Variants in SETD2 observed in about 807,000 individuals in gnomAD.
SETD2 encodes histone-lysine N-methyltransferase SETD2.
SETD2 carries 31 observed loss-of-function variants against 242.1 expected under a neutral mutation model. The ratio of observed to expected loss-of-function variants is 0.13; its 90% CI spans 0.10 to 0.17. The LOEUF (loss-of-function observed/expected upper bound fraction) is 0.17, where lower values mean the gene tolerates loss of function less well. SETD2 is among the 10% of genes least tolerant of loss of function. SETD2 has a pLI of 1.00. For missense variants in SETD2, 2,481 were observed against 3,046.3 expected (o/e 0.81, Z 4.37); for synonymous variants, 1,006 against 1,066.5 (o/e 0.94, Z 1.11).
At chr3:47,129,418 C>T (rs1222490721) in intron 1 of SETD2, among the ~76,000 whole-genome samples, 1 of 152,238 alleles carries the variant, frequency 6.6e-6, no homozygotes, top group African/African-American at 2.4e-5. Context: ...CTCGTTTGTG[C>T]ATGCACTTGA....
chr3:47,056,784 C>T (rs780865188), intron 15 of SETD2, 37 bp downstream of exon 15: 3 of 1,554,282 alleles, frequency 1.9e-6, no homozygotes, highest in Non-Finnish European at 2.7e-6. Flanking sequence ...CATGAACAGA[C>T]CATAAAGCAG....
In SETD2 at chr3:47,122,915, C is replaced by T. The variant is rs2043161325; in HGVS notation, c.1721G>A (p.Cys574Tyr). ...PKSDKFKNSFCCTELNEEIKQ... is the reference protein window; with the variant it reads ...PKSDKFKNSFYCTELNEEIKQ... Reference sequence around the variant, plus strand: ...GATTTCTTCATTTAATTCTGTACAACAGAAAGAATTTTTAAATTTATCAGA... The same window carrying T: ...GATTTCTTCATTTAATTCTGTACAATAGAAAGAATTTTTAAATTTATCAGA... The change falls in exon 3 of 21, where the codon TGT (cysteine) becomes TAT (tyrosine). Residue 574 changes from cysteine (C) to tyrosine (Y), a missense_variant. Cys to Tyr is a radical substitution (Grantham distance 194, BLOSUM62 -2). Transcript: ENST00000409792. The T allele has an allele frequency of 3.1e-6, 5 of 1,610,314 alleles. No individual in the cohort carries two copies. The East Asian group carries it at 1.1e-4, about 36-fold the overall frequency.
intron 18 of SETD2, among the ~76,000 whole-genome samples, chr3:47,027,938 C>A (rs1408236148): frequency 1.3e-5 from 2 of 151,114 alleles, no homozygotes; most frequent in Admixed American, 6.6e-5. Flanking sequence ...ACTACAGGCG[C>A]CCCCCCGCAC....
At chr3:47,098,297 G>A (rs924833934) in intron 8 of SETD2, 2 of 347,402 alleles carry the variant, frequency 5.8e-6, no homozygotes, top group African/African-American at 4.2e-5. Flanking sequence ...TTCTTTGGGA[G>A]ACAAAACTAG....
intron 5 of SETD2, among the ~76,000 whole-genome samples, chr3:47,107,403 G>T (rs2042469124): frequency 6.6e-6 from 1 of 151,944 alleles, no homozygotes; most frequent in Non-Finnish European, 1.5e-5. Flanking sequence ...AATGAGAAAA[G>T]AACACATATA....
At chr3:47,022,193 T>TCTCACACACACA (rs770101300) in intron 18 of SETD2, among the ~76,000 whole-genome samples, 2 of 130,948 alleles carry the variant, frequency 1.5e-5, no homozygotes, top group Non-Finnish European at 3.2e-5. Flanking sequence ...CAACAATCTG[T>TCTCACACACACA]CACACACACA....
At chr3:47,085,465 C>A (rs1367668062) in intron 11 of SETD2, among the ~76,000 whole-genome samples, 1 of 152,152 alleles carries the variant, frequency 6.6e-6, no homozygotes, top group Non-Finnish European at 1.5e-5. Flanking sequence ...TCTTAGACAA[C>A]CTCCCCCATT....
chr3:47,146,305 C>G (rs1322302668), intron 1 of SETD2, among the ~76,000 whole-genome samples: 8 of 152,094 alleles, frequency 5.3e-5, no homozygotes, highest in Admixed American at 6.6e-5. Context: ...ACTATATTTA[C>G]TTTAAAAAGA....
At position 47,123,007 on chromosome 3, in the gene SETD2, T is replaced by A. The variant is rs1240279359; in HGVS notation, c.1629A>T (p.Ser543=). Residue 543 remains serine (S), a synonymous_variant, in exon 3 of 21, where the codon TCA becomes TCT. Transcript: ENST00000409792. ...CACTACTGTCATGCTTAGAATATGA[T>A]GACCCTCGTCGGAATCCCAGTTCAT... The part of the protein sequence containing the change: ...PPNELGFRRG[S]SYSKHDSSAS... 6.2e-7 allele frequency: 1 copy of A among 1,614,106 alleles called. No individual in the cohort carries two copies. The highest frequency in any genetic ancestry group is 8.5e-7 in the Non-Finnish European group (1 of 1,179,920).
chr3:47,049,559 A>G (rs1362740815), intron 15 of SETD2, among the ~76,000 whole-genome samples: 1 of 146,692 alleles, frequency 6.8e-6, no homozygotes, highest in East Asian at 2.0e-4. Flanking sequence ...TTTTTAGTAG[A>G]GATGGGGTTT....
intron 7 of SETD2, among the ~76,000 whole-genome samples, chr3:47,102,453 A>C (rs919102403): frequency 6.6e-6 from 1 of 152,246 alleles, no homozygotes; most frequent in Admixed American, 6.5e-5. Context: ...GAGGAAATCA[A>C]TGATATACAT....
chr3:47,106,493 T>TAAAAAAAAAAAAAAAA (rs766455577), intron 5 of SETD2, among the ~76,000 whole-genome samples: 4 of 57,264 alleles, frequency 7.0e-5, no homozygotes, highest in African/African-American at 2.7e-4. Context: ...ATTTTTGCTC[T>TAAAAAAAAAAAAAAAA]AAAAAAAAAA....
At chr3:47,146,101 T>A (rs1366577862) in intron 1 of SETD2, among the ~76,000 whole-genome samples, 1 of 141,208 alleles carries the variant, frequency 7.1e-6, no homozygotes, top group African/African-American at 2.5e-5. Flanking sequence ...AGAAAGCATA[T>A]CCCACTTGCT....
intron 1 of SETD2, among the ~76,000 whole-genome samples, chr3:47,128,743 C>T (rs958619269): frequency 2.0e-5 from 3 of 152,196 alleles, no homozygotes; most frequent in African/African-American, 7.2e-5. Context: ...ATTTTGCCCA[C>T]AGGATGCATG....
At chr3:47,045,566 T>C (rs868796202) in intron 16 of SETD2, among the ~76,000 whole-genome samples, 1 of 139,276 alleles carries the variant, frequency 7.2e-6, no homozygotes, top group Non-Finnish European at 1.5e-5. Context: ...GGTGCAGTGA[T>C]GCACACCTGT....
At chr3:47,070,363 C>G (rs2040768332) in intron 12 of SETD2, among the ~76,000 whole-genome samples, 1 of 152,170 alleles carries the variant, frequency 6.6e-6, no homozygotes, top group Non-Finnish European at 1.5e-5. Context: ...GCACTTGGAG[C>G]TGCTAACTTG....
At chr3:47,118,011 C>G (rs2042930952) in intron 3 of SETD2, among the ~76,000 whole-genome samples, 1 of 152,222 alleles carries the variant, frequency 6.6e-6, no homozygotes, top group South Asian at 2.1e-4. Context: ...AAATGGTTAT[C>G]TAATCTCCTA....
chr3:47,164,154 G>GC (rs1043963960), upstream of SETD2, among the ~76,000 whole-genome samples: 31 of 150,378 alleles, frequency 2.1e-4, no homozygotes, highest in African/African-American at 7.5e-4. This position sits in a 1 kb window ranked among gnomAD's most constrained non-coding sequence, Gnocchi z 5.4. Flanking sequence ...CACCCCACCC[G>GC]CCCCTCAGCT....
intron 8 of SETD2, among the ~76,000 whole-genome samples, chr3:47,100,098 C>T (rs1015600506): frequency 9.3e-5 from 14 of 150,182 alleles, no homozygotes; most frequent in Non-Finnish European, 2.1e-4. Flanking sequence ...ATGTGCCACC[C>T]CACCTGGCTA....
Sources: allele counts gnomAD v4.1 joint callset (sites outside exome capture counted in the v4.1 genomes callset), GRCh38; gene constraint gnomAD v4.1.1; non-coding constraint Gnocchi (gnomAD v3.1); transcripts MANE v1.5; gene names NCBI Gene and HGNC (gene_info 2026-07-23, HGNC 2026-07-21).